Variants in EXOC4 observed in about 807,000 individuals in gnomAD.
The protein encoded by EXOC4 is exocyst complex component 4, also known as SEC8-like 1.
A neutral mutation model predicts 107.2 loss-of-function variants in EXOC4; 71 were observed. The observed-to-expected ratio is 0.66, with a 90% CI of 0.55 to 0.81. The LOEUF is 0.81. Among genes scored for constraint, EXOC4 ranks in the 30% least tolerant of loss-of-function variants. The pLI is 0.00. For synonymous variants in EXOC4, 456 were observed against 441.2 expected (o/e 1.03, Z -0.42); for missense variants, 1,108 against 1,189.6 (o/e 0.93, Z 1.01).
In EXOC4 at chr7:133,408,421, T is replaced by C. The variant is rs1202144556; in HGVS notation, c.1182+33419T>C. On this transcript the variant is annotated intron_variant, in intron 7 of 17. Transcript: ENST00000253861. ...TAGTGATGATGGAGGTGGAGAGAGG[T>C]TGGTGATGGTGGAGTGGGATTGGTG... Among the ~76,000 whole-genome samples, 3 of 147,062 alleles carry C rather than the reference T, an allele frequency of 2.0e-5. No homozygotes were observed. In the East Asian group the frequency reaches 6.0e-4, roughly 30 times the overall value.
intron 11 of EXOC4, among the ~76,000 whole-genome samples, chr7:133,871,582 C>T (rs1250909406): frequency 6.6e-6 from 1 of 152,166 alleles, no homozygotes; most frequent in Non-Finnish European, 1.5e-5. Flanking sequence ...TAGGCTGCCT[C>T]TCCCTCCATC....
chr7:133,659,076 G>A (rs1277745934), intron 10 of EXOC4, among the ~76,000 whole-genome samples: 1 of 121,244 alleles, frequency 8.2e-6, no homozygotes, highest in African/African-American at 3.2e-5. Flanking sequence ...CAAGACAGAA[G>A]TAGCTGTGGT....
chr7:133,530,732 A>G (rs1584980798), intron 9 of EXOC4, among the ~76,000 whole-genome samples: 1 of 152,212 alleles, frequency 6.6e-6, no homozygotes, highest in African/African-American at 2.4e-5. Flanking sequence ...CCTGTTCGGT[A>G]TAAGTGGAAC....
chr7:133,937,835 C>G, intron 13 of EXOC4, 56 bp from the exon 14 acceptor site: 1 of 1,566,474 alleles, frequency 6.4e-7, no homozygotes, highest in South Asian at 1.1e-5. Flanking sequence ...CAGTGTTGCC[C>G]GGTCCTACCT....
At chr7:133,314,412 TAGAG>T (rs937119590) in intron 4 of EXOC4, among the ~76,000 whole-genome samples, 3 of 152,148 alleles carry the variant, frequency 2.0e-5, no homozygotes, top group Admixed American at 6.5e-5. Flanking sequence ...GGGAAAATTT[TAGAG>T]AGAGAGATGA....
At chr7:133,870,219 A>G (rs2116390534) in intron 11 of EXOC4, among the ~76,000 whole-genome samples, 1 of 152,296 alleles carries the variant, frequency 6.6e-6, no homozygotes, top group African/African-American at 2.4e-5. Context: ...GTTTTCCATT[A>G]AAAACATTTT....
chr7:134,083,297 G>A, the EXOC4 span, among the ~76,000 whole-genome samples: 11 of 152,286 alleles, frequency 7.2e-5, no homozygotes, highest in East Asian at 1.7e-3. Context: ...AGATGCAGCT[G>A]CAGAAAAGTC....
chr7:133,832,816 TG>T (rs1374748465), intron 11 of EXOC4, among the ~76,000 whole-genome samples: 1 of 152,164 alleles, frequency 6.6e-6, no homozygotes, highest in African/African-American at 2.4e-5. Context: ...GGTTTTTTTA[TG>T]TATTGAAATT....
intron 4 of EXOC4, among the ~76,000 whole-genome samples, chr7:133,309,062 G>T (rs529149054): frequency 6.6e-6 from 1 of 152,202 alleles, no homozygotes; most frequent in East Asian, 1.9e-4. Context: ...CTTTCTATCT[G>T]GGACATAGAT....
intron 14 of EXOC4, among the ~76,000 whole-genome samples, chr7:133,971,361 T>TATATAGAGAGAGAGAGAGAG (rs1489958236): frequency 2.7e-5 from 2 of 75,090 alleles, no homozygotes; most frequent in African/African-American, 6.1e-5. Context: ...TATATATATA[T>TATATAGAGAGAGAGAGAGAG]AGAGAGAGAG....
At chr7:133,855,950 T>A (rs1798364428) in intron 11 of EXOC4, among the ~76,000 whole-genome samples, 1 of 152,222 alleles carries the variant, frequency 6.6e-6, no homozygotes, top group African/African-American at 2.4e-5. Flanking sequence ...GTCCTATCCC[T>A]CACCATCCTG....
intron 7 of EXOC4, among the ~76,000 whole-genome samples, chr7:133,423,623 G>A (rs1352850676): frequency 1.3e-5 from 2 of 152,202 alleles, no homozygotes. Flanking sequence ...ATAGTGAGAG[G>A]TGACAACGTG....
In EXOC4 at chr7:133,895,682, C is replaced by A. The variant is rs1799289957; in HGVS notation, c.1818C>A (p.Asn606Lys). 1 of 1,614,028 alleles carries A rather than the reference C, an allele frequency of 6.2e-7. No homozygotes were observed. Among genetic ancestry groups the A allele is most frequent in the Non-Finnish European group, 8.5e-7 (1 of 1,179,990 alleles). ...DLSAYSDQFL[N>K]MVCVKLQEYK... Reference sequence around the variant, plus strand: ...GTGCATATTCAGATCAATTCCTCAACATGGTGTGCGTGAAGCTCCAGGAGT... The same window carrying A: ...GTGCATATTCAGATCAATTCCTCAAAATGGTGTGCGTGAAGCTCCAGGAGT... The change falls in exon 12 of 18, where the codon AAC becomes AAA. Residue 606 changes from asparagine (N) to lysine (K), a missense_variant. By Grantham distance (94) the Asn-to-Lys change is moderately conservative. Coordinates refer to ENST00000253861, the MANE Select transcript of EXOC4 (RefSeq NM_021807.4).
intron 10 of EXOC4, among the ~76,000 whole-genome samples, chr7:133,652,995 T>C (rs1351008717): frequency 1.3e-5 from 2 of 152,206 alleles, no homozygotes; most frequent in African/African-American, 4.8e-5. Context: ...AGTGACCTAT[T>C]TTGGCAATGC....
At chr7:133,683,441 G>A (rs1181943092) in intron 10 of EXOC4, among the ~76,000 whole-genome samples, 1 of 152,110 alleles carries the variant, frequency 6.6e-6, no homozygotes, top group Non-Finnish European at 1.5e-5. Flanking sequence ...ATATTAAACT[G>A]TCAAGACACT....
chr7:133,380,081 G>A (rs1340953185), intron 7 of EXOC4, among the ~76,000 whole-genome samples: 1 of 151,660 alleles, frequency 6.6e-6, no homozygotes, highest in Non-Finnish European at 1.5e-5. Flanking sequence ...ACACACCAGA[G>A]CCTGTTGTGG....
rs549177220 is a variant in EXOC4, at chr7:133,916,506, C to G, written c.1872-1077C>G. On this transcript the variant is annotated intron_variant, in intron 12 of 17. Coordinates refer to ENST00000253861, the MANE Select transcript of EXOC4 (RefSeq NM_021807.4). ...CCAGTCTTGAACTCCTGGCCTCAAG[C>G]AATCCTCCTGCCTCAGTCTGCCAAA... Among the ~76,000 whole-genome samples, 5 of 152,058 alleles carry G rather than the reference C, an allele frequency of 3.3e-5. No homozygotes were observed. In the South Asian group the frequency reaches 1.0e-3, roughly 32 times the overall value.
rs1258880165 is a variant in EXOC4 at position 133,821,328 on chromosome 7, T to C, written c.1734+3784T>C. Among the ~76,000 whole-genome samples the C allele has an allele frequency of 2.6e-5, 4 of 152,246 alleles. No homozygotes were observed. The East Asian group carries it at 5.8e-4, about 22-fold the overall frequency. ...CCACAGTCACATAGCTGCCAAGTAG[T>C]AGAACTGTAATGCAAACCCAGGCGA... On this transcript the variant is annotated intron_variant, in intron 11 of 17. Coordinates refer to ENST00000253861, the MANE Select transcript of EXOC4 (RefSeq NM_021807.4).
At chr7:133,647,015 C>G (rs1562890115) in intron 10 of EXOC4, among the ~76,000 whole-genome samples, 1 of 152,162 alleles carries the variant, frequency 6.6e-6, no homozygotes, top group Non-Finnish European at 1.5e-5. Context: ...AAAGCCATCA[C>G]TAAAGCCATA....
Sources: allele counts gnomAD v4.1 joint callset (sites outside exome capture counted in the v4.1 genomes callset), GRCh38; gene constraint gnomAD v4.1.1; transcripts MANE v1.5; gene names NCBI Gene and HGNC (gene_info 2026-07-23, HGNC 2026-07-21).